POLR2B: variants seen among roughly 807,000 people sequenced by gnomAD.
The protein encoded by POLR2B is DNA-directed RNA polymerase II subunit RPB2.
A neutral mutation model predicts 144.6 loss-of-function variants in POLR2B; 57 were observed. The observed-to-expected ratio is 0.39, with a 90% CI of 0.32 to 0.49. The LOEUF (loss-of-function observed/expected upper bound fraction) is 0.49. Among genes scored for constraint, POLR2B ranks in the 20% least tolerant of loss-of-function variants. The pLI, the probability that POLR2B is intolerant of heterozygous loss-of-function variation, is 0.83. For synonymous variants in POLR2B, 442 were observed against 469.8 expected, an observed-to-expected ratio of 0.94 and a Z score of 0.77; for missense variants, 595 against 1,467.4, an observed-to-expected ratio of 0.41 and a Z score of 9.71.
At chr4:57,002,956 C>A (rs1722900334) in intron 7 of POLR2B, among the ~76,000 whole-genome samples, 1 of 152,148 alleles carries the variant, frequency 6.6e-6, no homozygotes. Context: ...TCAAATGTTA[C>A]CCTTCATTTC....
At chr4:57,027,245 G>T (rs980773704) in intron 23 of POLR2B, among the ~76,000 whole-genome samples, 36 of 152,112 alleles carry the variant, frequency 2.4e-4, no homozygotes, top group Admixed American at 2.1e-3. Flanking sequence ...TTGGCCTCAA[G>T]TGATCCGCCT....
intron 1 of POLR2B, among the ~76,000 whole-genome samples, chr4:56,981,668 A>C (rs1223890842): frequency 6.6e-6 from 1 of 152,220 alleles, no homozygotes; most frequent in Non-Finnish European, 1.5e-5. Context: ...AAAATGTCAG[A>C]TTTCTGTCAT....
At chr4:57,008,965 G>A (rs866272707) in intron 10 of POLR2B, among the ~76,000 whole-genome samples, 3 of 152,032 alleles carry the variant, frequency 2.0e-5, no homozygotes, top group South Asian at 2.1e-4. Flanking sequence ...GAGGAGTGAC[G>A]TGGTCATTTT....
intron 3 of POLR2B, among the ~76,000 whole-genome samples, chr4:56,992,544 T>G: frequency 7.2e-6 from 1 of 138,008 alleles, no homozygotes; most frequent in Non-Finnish European, 1.5e-5. Flanking sequence ...GATCAGTATG[T>G]GATTTTGGCT....
chr4:56,985,610 C>T (rs1018577972), intron 1 of POLR2B, among the ~76,000 whole-genome samples: 10 of 152,298 alleles, frequency 6.6e-5, no homozygotes, highest in South Asian at 4.1e-4. Flanking sequence ...CCATATTGGC[C>T]TGGCTGGTCT....
chr4:56,996,367 G>A (rs1385687705), intron 6 of POLR2B, among the ~76,000 whole-genome samples: 5 of 141,228 alleles, frequency 3.5e-5, no homozygotes, highest in African/African-American at 1.3e-4. Flanking sequence ...TGCAAGCTCC[G>A]CCTCCTGGGT....
chr4:57,021,485 C>CCT (rs1553912043), intron 17 of POLR2B, among the ~76,000 whole-genome samples: 1 of 110,342 alleles, frequency 9.1e-6, no homozygotes, highest in Non-Finnish European at 1.8e-5. Context: ...AATGTAAAAA[C>CCT]TTTTTTTTTT....
chr4:56,992,862 A>G (rs1722564685), intron 3 of POLR2B, among the ~76,000 whole-genome samples: 1 of 151,988 alleles, frequency 6.6e-6, no homozygotes, highest in African/African-American at 2.4e-5. Context: ...TTTAATAGGC[A>G]TTAGGAAGAT....
intron 2 of POLR2B, among the ~76,000 whole-genome samples, 172 bp from the exon 3 acceptor site, chr4:56,990,576 G>A (rs547472161): frequency 3.0e-4 from 46 of 152,222 alleles, no homozygotes; most frequent in African/African-American, 9.4e-4. Flanking sequence ...AAATATGCCC[G>A]GTTTCATCCT....
At chr4:57,012,103 T>TA (rs1312697545) in intron 13 of POLR2B, among the ~76,000 whole-genome samples, 3 of 151,984 alleles carry the variant, frequency 2.0e-5, no homozygotes, top group East Asian at 2.0e-4. Flanking sequence ...GGATGGGTTT[T>TA]AAAAAAATCA....
rs747832201 is a variant in POLR2B, at chr4:57,024,978, C to T, written c.3057C>T (p.Gly1019=). ...TTTCTAATCTTTTATCTGATTATGG[C>T]TATCATCTCAGAGGAAATGAGGTAT... is the stretch of plus-strand genomic sequence containing the variant. ...QKISNLLSDY[G]YHLRGNEVLY... The change falls in exon 22 of 25, where the codon GGC becomes GGT. Residue 1019 remains glycine, a synonymous_variant. Transcript: ENST00000314595. The T allele has an allele frequency of 1.3e-6, 2 of 1,559,632 alleles. No individual in the cohort carries two copies. Among genetic ancestry groups the T allele is most frequent in the South Asian group, 1.1e-5 (1 of 88,092 alleles).
Position 56,992,628 on chromosome 4 carries a change from C to T in POLR2B, c.243+1730C>T, listed in dbSNP as rs768568577. Among the ~76,000 whole-genome samples the T allele has an allele frequency of 4.1e-5, 6 of 146,392 alleles. No individual in the cohort carries two copies. The East Asian group carries it at 6.3e-4, about 15-fold the overall frequency. On this transcript the variant is annotated intron_variant, in intron 3 of 24. Transcript: ENST00000314595. ...AGGCTGGAATGCAGTGGCGCGATCT[C>T]GGCTCACTGCAGGCTCCGCCTTCCG...
Position 57,017,023 on chromosome 4 carries a change from T to A in POLR2B, c.1956-20T>A, listed in dbSNP as rs773782016. The A allele has an allele frequency of 6.6e-7, 1 of 1,505,464 alleles. No individual in the cohort carries two copies. Among genetic ancestry groups the A allele is most frequent in the Non-Finnish European group, 9.0e-7 (1 of 1,108,260 alleles). The allele number at this position is 1,505,464 out of a possible 1,614,324, so 93.3% of individuals were successfully genotyped here. A position where few individuals can be genotyped will look rare whatever the true frequency, so the allele number is the denominator to read the frequency against. ...TTAAAATACTTGAGGAAGTAGAAAA[T>A]TGAGTGAATTCTTTTTTAGTTGGCA... On this transcript the variant is annotated intron_variant, in intron 14 of 24. Coordinates refer to ENST00000314595, the MANE Select transcript of POLR2B (RefSeq NM_000938.3). The surrounding 1 kb of genome is among the most constrained non-coding windows in gnomAD (Gnocchi z 4.8).
At position 57,010,343 on chromosome 4, in the gene POLR2B, T is replaced by G; in HGVS notation, c.1405-18T>G. 1 of 1,611,480 alleles carries G rather than the reference T, an allele frequency of 6.2e-7. No individual in the cohort carries two copies. The highest frequency in any genetic ancestry group is 8.5e-7 in the Non-Finnish European group (1 of 1,178,558). On this transcript the variant is annotated intron_variant, in intron 10 of 24. Coordinates refer to ENST00000314595, the MANE Select transcript of POLR2B (RefSeq NM_000938.3). ...CACAGAAATGTCCAGACTTTAAAGA[T>G]TGGCTATTTTTTTCTAGGTGTTAAA...
At chr4:57,012,908 T>G (rs577811960) in intron 13 of POLR2B, among the ~76,000 whole-genome samples, 17 of 152,202 alleles carry the variant, frequency 1.1e-4, no homozygotes, top group African/African-American at 3.9e-4. Flanking sequence ...TGGCATGATC[T>G]CGGCTCACTG....
intron 2 of POLR2B, among the ~76,000 whole-genome samples, chr4:56,988,603 T>A (rs1320934058): frequency 6.6e-6 from 1 of 152,178 alleles, no homozygotes; most frequent in Non-Finnish European, 1.5e-5. Context: ...TATTTAAACA[T>A]CTGTATTCCC....
chr4:57,029,082 GTTTGTTT>G (rs1471382714), intron 23 of POLR2B, among the ~76,000 whole-genome samples: 1 of 151,958 alleles, frequency 6.6e-6, no homozygotes, highest in Admixed American at 6.6e-5. Context: ...TTGTTTGTTT[GTTTGTTT>G]TTTGTTTTTT....
At chr4:56,994,266 A>G (rs901418392) in intron 3 of POLR2B, 138 bp from the exon 4 acceptor site, 8 of 596,296 alleles carry the variant, frequency 1.3e-5, no homozygotes, top group Middle Eastern at 4.4e-4. Flanking sequence ...GGAAGTCCCC[A>G]TTTCAGTAAA....
At position 56,995,256 on chromosome 4, in the gene POLR2B, G is replaced by T; in HGVS notation, c.582G>T (p.Leu194=). Residue 194 remains leucine, a synonymous_variant, in exon 6 of 25, where the codon CTG becomes CTT. Coordinates refer to ENST00000314595, the MANE Select transcript of POLR2B (RefSeq NM_000938.3). ...YFIINGSEKV[L]IAQEKMATNT... is the part of the protein sequence containing the mutation. ...CTTTCTTATTGTCCAAATAGGTTCTGATTGCCCAAGAGAAAATGGCAACAA... is the reference window on the plus strand; with the variant it reads ...CTTTCTTATTGTCCAAATAGGTTCTTATTGCCCAAGAGAAAATGGCAACAA... 1.2e-6 allele frequency: 2 copies of T among 1,604,426 alleles called. No individual in the cohort carries two copies. The highest frequency in any genetic ancestry group is 3.3e-4 in the Middle Eastern group (2 of 6,022).
Sources: allele counts gnomAD v4.1 joint callset (sites outside exome capture counted in the v4.1 genomes callset), GRCh38; gene constraint gnomAD v4.1.1; non-coding constraint Gnocchi (gnomAD v3.1); transcripts MANE v1.5; gene names NCBI Gene and HGNC (gene_info 2026-07-23, HGNC 2026-07-21).